SIK3: variants seen among roughly 807,000 people sequenced by gnomAD.
SIK3 encodes the protein serine/threonine-protein kinase SIK3.
Under a neutral mutation model 144.2 loss-of-function variants are expected in SIK3, and 28 were observed. That is an observed-to-expected ratio of 0.19 (90% CI 0.14 to 0.27). The LOEUF (loss-of-function observed/expected upper bound fraction) is 0.27. Ranked by LOEUF, SIK3 falls within the 10% of genes least tolerant of loss-of-function variation. SIK3 has a pLI of 1.00. For synonymous variants in SIK3, 686 were observed against 676.3 expected (o/e 1.01, Z -0.22); for missense variants, 1,319 against 1,776.0 (o/e 0.74, Z 4.62).
In SIK3 at chr11:117,014,458, G is replaced by GA. The variant is rs952771873; in HGVS notation, c.274-57395dup. 4.6e-5 allele frequency among the ~76,000 whole-genome samples: 7 copies of GA among 151,296 alleles called. No homozygotes were observed. In the South Asian group the frequency reaches 1.3e-3, roughly 27 times the overall value. ...ACTCACAGAAAGCACTAATCATACA[G>GA]AAAAAAAGATTAAATTTCATTACAA... On this transcript the variant is annotated intron_variant, in intron 1 of 24. Transcript: ENST00000445177.
intron 1 of SIK3, among the ~76,000 whole-genome samples, chr11:117,038,630 A>G (rs1262758811): frequency 6.6e-6 from 1 of 151,970 alleles, no homozygotes; most frequent in Non-Finnish European, 1.5e-5. Context: ...TGGGATTACA[A>G]GTGTGAGCCA....
rs899538125 is a variant in SIK3, at chr11:116,945,374, T to A, written c.454+8670A>T. On this transcript the variant is annotated intron_variant, in intron 3 of 24. Transcript: ENST00000445177. Reference sequence around the variant, plus strand: ...AACTTCATCTAGACCTGTAGCTTCATGAATTCTTTTTTTTTTTTTTTTTTT... The same window carrying A: ...AACTTCATCTAGACCTGTAGCTTCAAGAATTCTTTTTTTTTTTTTTTTTTT... Among the ~76,000 whole-genome samples, 4 of 143,774 alleles carry A rather than the reference T, an allele frequency of 2.8e-5. No individual in the cohort carries two copies. The Admixed American group carries it at 2.9e-4, about 10-fold the overall frequency. The allele number at this position is 143,774 out of a possible 152,430, so 94.3% of individuals were successfully genotyped here. A position where few individuals can be genotyped will look rare whatever the true frequency, so the allele number is the denominator to read the frequency against.
chr11:116,863,856 C>T, intron 15 of SIK3, 38 bp from the exon 16 acceptor site: 2 of 1,541,472 alleles, frequency 1.3e-6, no homozygotes, highest in Non-Finnish European at 1.7e-6. Context: ...GGCTAGGACT[C>T]AGGGGCTTTG....
intron 1 of SIK3, among the ~76,000 whole-genome samples, chr11:117,026,419 A>G (rs1952013434): frequency 6.6e-6 from 1 of 152,156 alleles, no homozygotes; most frequent in African/African-American, 2.4e-5. Flanking sequence ...CTATACTTGC[A>G]TTCTACAATA....
Position 116,849,282 on chromosome 11 carries a change from C to T in SIK3, c.3657G>A (p.Glu1219=). Residue 1219 remains glutamate, a splice_region_variant and synonymous_variant, in exon 22 of 25, where the codon GAG becomes GAA. Coordinates refer to ENST00000445177, the MANE Select transcript of SIK3 (RefSeq NM_001366686.3). This position sits in a 1 kb window ranked among gnomAD's most constrained non-coding sequence, Gnocchi z 4.2. ...TATCCATGCAGTTCCCTATGACAGG[C>T]TCTGAGGAGACACAGCAGAATAGAG... is the stretch of plus-strand genomic sequence containing the variant. ...AFSKNKVPSR[E]PVIGNCMDRS... 1.2e-6 allele frequency: 2 copies of T among 1,614,138 alleles called. No homozygotes were observed. Among genetic ancestry groups the T allele is most frequent in the Admixed American group, 3.3e-5 (2 of 60,014 alleles).
At chr11:117,011,028 G>C (rs1951229741) in intron 1 of SIK3, among the ~76,000 whole-genome samples, 1 of 152,202 alleles carries the variant, frequency 6.6e-6, no homozygotes, top group African/African-American at 2.4e-5. Context: ...GCTGACGTGG[G>C]AGGATCGCTT....
chr11:116,948,110 T>A (rs1273540017), intron 3 of SIK3, among the ~76,000 whole-genome samples: 3 of 149,580 alleles, frequency 2.0e-5, no homozygotes, highest in African/African-American at 7.4e-5. Flanking sequence ...AATTTTTCTA[T>A]TTTTTTTTGT....
chr11:116,912,419 A>C (rs1287818896), intron 4 of SIK3, among the ~76,000 whole-genome samples: 2 of 152,230 alleles, frequency 1.3e-5, no homozygotes, highest in African/African-American at 4.8e-5. Context: ...CAATTTTCTT[A>C]TTTGGTCTAC....
chr11:117,059,834 T>C (rs1241650600), intron 1 of SIK3, among the ~76,000 whole-genome samples: 1 of 152,152 alleles, frequency 6.6e-6, no homozygotes, highest in African/African-American at 2.4e-5. Flanking sequence ...TGGCTAAAAT[T>C]CAAAGCAGTG....
At chr11:116,947,228 T>TTATTTATATATAATATA (rs1948687043) in intron 3 of SIK3, among the ~76,000 whole-genome samples, 10 of 8,158 alleles carry the variant, frequency 1.2e-3, no homozygotes, top group African/African-American at 3.3e-3. Flanking sequence ...TATATAATTA[T>TTATTTATATATAATATA]TTATATATTT....
chr11:117,013,959 C>CTTTTT (rs1232857124), intron 1 of SIK3, among the ~76,000 whole-genome samples: 2 of 8,248 alleles, frequency 2.4e-4, no homozygotes, highest in African/African-American at 3.6e-4. Flanking sequence ...TGTTTTATTT[C>CTTTTT]TTTTTTTCTT....
chr11:116,984,971 A>G (rs1565527583), intron 1 of SIK3, among the ~76,000 whole-genome samples: 1 of 152,242 alleles, frequency 6.6e-6, no homozygotes. Context: ...AACTTTCTTC[A>G]TAGCGAAACT....
chr11:116,900,789 G>A (rs573643987), intron 4 of SIK3, among the ~76,000 whole-genome samples: 9 of 151,856 alleles, frequency 5.9e-5, no homozygotes, highest in Non-Finnish European at 1.0e-4. Context: ...TTCCTCCTCC[G>A]TGCTTCCACA....
At chr11:117,017,795 A>G (rs1951600125) in intron 1 of SIK3, among the ~76,000 whole-genome samples, 1 of 152,204 alleles carries the variant, frequency 6.6e-6, no homozygotes, top group African/African-American at 2.4e-5. Context: ...CAGTTTCCTC[A>G]TCTGTCTGAG....
chr11:116,866,805 T>C lies in SIK3; in HGVS notation c.1952+1141A>G, dbSNP rs142682847. Among the ~76,000 whole-genome samples, 138 of 152,326 alleles carry C rather than the reference T, an allele frequency of 9.1e-4. 1 individual carries two copies. The highest frequency in any genetic ancestry group is 3.0e-3 in the African/African-American group (126 of 41,568). On this transcript the variant is annotated intron_variant, in intron 15 of 24. Coordinates refer to ENST00000445177, the MANE Select transcript of SIK3 (RefSeq NM_001366686.3). ...AGAGACTTTCATTAGAAAAAGCCTG[T>C]CTTTCTGTGCCATCAGAGTTTTATT...
intron 4 of SIK3, among the ~76,000 whole-genome samples, chr11:116,921,885 T>G (rs976963993): frequency 4.7e-5 from 7 of 150,246 alleles, no homozygotes; most frequent in African/African-American, 7.3e-5. Flanking sequence ...AAATAAGAAT[T>G]AAGCACAAAA....
chr11:116,890,239 G>GCCTCTCTGAGGGGACCTATGACT (rs2134696177), intron 6 of SIK3, among the ~76,000 whole-genome samples: 1 of 152,328 alleles, frequency 6.6e-6, no homozygotes, highest in East Asian at 1.9e-4. Flanking sequence ...GCCAGGACAG[G>GCCTCTCTGAGGGGACCTATGACT]CCTCTCTGAG....
At chr11:117,090,536 G>A (rs757127156) in intron 1 of SIK3, among the ~76,000 whole-genome samples, 9 of 152,206 alleles carry the variant, frequency 5.9e-5, no homozygotes, top group Non-Finnish European at 1.0e-4. Flanking sequence ...TAAGTGAGGA[G>A]CCCATCTAAG....
At chr11:116,982,448 C>T (rs1950175475) in intron 1 of SIK3, among the ~76,000 whole-genome samples, 1 of 151,972 alleles carries the variant, frequency 6.6e-6, no homozygotes, top group African/African-American at 2.4e-5. Context: ...ACCACTACGC[C>T]CAGCTAATTG....
Sources: gnomAD v4.1 joint callset for allele counts (sites outside exome capture counted in the v4.1 genomes callset) on GRCh38, gnomAD v4.1.1 for gene constraint, Gnocchi (gnomAD v3.1) non-coding constraint, MANE v1.5 for transcripts, NCBI Gene and HGNC (gene_info 2026-07-23, HGNC 2026-07-21) for gene names.